The following GRID1 variants were observed in gnomAD, a reference collection of about 807,000 sequenced individuals.
GRID1 encodes glutamate receptor ionotropic, delta-1.
In GRID1, 28 loss-of-function variants were observed where a neutral mutation model predicts 98.0. The observed-to-expected ratio is 0.29, with a 90% confidence interval of 0.21 to 0.39. The LOEUF is 0.39. Ranked by LOEUF, GRID1 falls within the 10% of genes least tolerant of loss-of-function variation. The probability of loss-of-function intolerance (pLI) is 1.00; values close to 1 mark genes in which losing one functional copy is unlikely to be tolerated. For missense variants in GRID1, 1,111 were observed against 1,340.5 expected, an observed-to-expected ratio of 0.83 and a Z score of 2.67; for synonymous variants, 553 against 538.5, an observed-to-expected ratio of 1.03 and a Z score of -0.37.
chr10:85,617,236 C>G (rs377240650), intron 14 of GRID1, among the ~76,000 whole-genome samples: 1 of 134,360 alleles, frequency 7.4e-6, no homozygotes, highest in East Asian at 2.7e-4. Flanking sequence ...CCCCCCCCCC[C>G]TTTTATTTTT....
At chr10:85,610,044 G>A (rs1046259686) in intron 15 of GRID1, among the ~76,000 whole-genome samples, 4 of 152,174 alleles carry the variant, frequency 2.6e-5, no homozygotes, top group Admixed American at 6.5e-5. Context: ...CGACATCCTA[G>A]AGCAAGCCAT....
chr10:86,351,243 G>A (rs1252801577), intron 2 of GRID1, among the ~76,000 whole-genome samples: 2 of 152,262 alleles, frequency 1.3e-5, no homozygotes, highest in African/African-American at 2.4e-5. Context: ...CTGTGGCTCC[G>A]TGAAACATGC....
chr10:86,237,559 G>A (rs1222792330), intron 2 of GRID1, among the ~76,000 whole-genome samples: 3 of 152,160 alleles, frequency 2.0e-5, no homozygotes, highest in Non-Finnish European at 4.4e-5. Context: ...AATTAGCTGG[G>A]CATGGTGGCA....
At chr10:85,810,591 A>T (rs1320344422) in intron 8 of GRID1, among the ~76,000 whole-genome samples, 1 of 152,156 alleles carries the variant, frequency 6.6e-6, no homozygotes, top group East Asian at 1.9e-4. Context: ...TTCCAGGCAG[A>T]CCTGGCCTTA....
chr10:85,601,578 C>A lies in GRID1; in HGVS notation c.*695G>T, dbSNP rs1842576512. On this transcript the variant is annotated 3_prime_UTR_variant, in exon 16 of 16. Coordinates refer to ENST00000327946, the MANE Select transcript of GRID1 (RefSeq NM_017551.3). ...AGTATCAAAGCCCTCAATTACCTCA[C>A]TATGGGTAATTGTCAGCTTCTCTCG... 1 of 152,260 alleles carries A rather than the reference C, an allele frequency of 6.6e-6. No individual in the cohort carries two copies. The highest frequency in any genetic ancestry group is 1.5e-5 in the Non-Finnish European group (1 of 68,076). 9.4% of individuals were successfully genotyped at this position (152,260 alleles called of 1,614,324 possible).
At chr10:86,043,231 G>T (rs948771740) in intron 4 of GRID1, among the ~76,000 whole-genome samples, 1 of 152,166 alleles carries the variant, frequency 6.6e-6, no homozygotes, top group South Asian at 2.1e-4. Flanking sequence ...ACCAGCCAGG[G>T]ACTTTCTCCC....
At chr10:85,741,410 C>T (rs979093074) in intron 8 of GRID1, among the ~76,000 whole-genome samples, 5 of 152,052 alleles carry the variant, frequency 3.3e-5, no homozygotes, top group African/African-American at 1.2e-4. Flanking sequence ...TACCACTAGG[C>T]CCCTGTTAGT....
intron 8 of GRID1, among the ~76,000 whole-genome samples, chr10:85,775,118 C>A (rs977963732): frequency 2.0e-5 from 3 of 152,068 alleles, no homozygotes; most frequent in Non-Finnish European, 2.9e-5. Context: ...AAATGTGGCA[C>A]ATATACACCA....
chr10:86,118,992 G>T (rs554843787), intron 4 of GRID1, among the ~76,000 whole-genome samples: 1 of 152,216 alleles, frequency 6.6e-6, no homozygotes, highest in South Asian at 2.1e-4. Context: ...TGGTATCCTG[G>T]ATAGGATCCT....
chr10:85,928,484 A>G (rs1841806216), intron 4 of GRID1, among the ~76,000 whole-genome samples: 1 of 152,204 alleles, frequency 6.6e-6, no homozygotes, highest in South Asian at 2.1e-4. Context: ...CTTGGCCTGC[A>G]GACACCAAGT....
intron 2 of GRID1, among the ~76,000 whole-genome samples, chr10:86,270,159 CA>C (rs1847163342): frequency 6.6e-6 from 1 of 152,188 alleles, no homozygotes; most frequent in African/African-American, 2.4e-5. Context: ...CTGATTAAAA[CA>C]ATGATAAACT....
At chr10:86,130,934 C>T (rs1239678244) in intron 4 of GRID1, among the ~76,000 whole-genome samples, 5 of 152,266 alleles carry the variant, frequency 3.3e-5, no homozygotes, top group South Asian at 2.1e-4. Flanking sequence ...TGCCCGTCTG[C>T]GTGCCCCCCA....
chr10:86,139,099 C>T (rs1377401263), intron 3 of GRID1, 75 bp from the exon 4 acceptor site: 1 of 989,322 alleles, frequency 1.0e-6, no homozygotes, highest in East Asian at 2.4e-5. Flanking sequence ...TGTCTAACTG[C>T]AACACGTTCC....
intron 4 of GRID1, among the ~76,000 whole-genome samples, chr10:86,073,157 A>G (rs1035093088): frequency 8.5e-5 from 13 of 152,260 alleles, no homozygotes; most frequent in African/African-American, 3.1e-4. Flanking sequence ...TATTGCAGTA[A>G]GTGAAATAAA....
intron 12 of GRID1, among the ~76,000 whole-genome samples, chr10:85,660,621 C>A (rs926891806): frequency 1.3e-5 from 2 of 151,912 alleles, no homozygotes; most frequent in Non-Finnish European, 2.9e-5. Context: ...ATGAGCAGAG[C>A]TGATCACGTA....
At chr10:86,037,092 T>C (rs1487868516) in intron 4 of GRID1, among the ~76,000 whole-genome samples, 2 of 152,206 alleles carry the variant, frequency 1.3e-5, no homozygotes, top group African/African-American at 4.8e-5. Context: ...GCCCTTTTGA[T>C]ACCACTTTCT....
intron 5 of GRID1, among the ~76,000 whole-genome samples, chr10:85,872,635 C>T (rs1843290081): frequency 6.6e-6 from 1 of 152,230 alleles, no homozygotes; most frequent in African/African-American, 2.4e-5. Context: ...CAAGGGCAGC[C>T]ACCACATCAA....
chr10:85,819,551 T>C (rs917532092), intron 8 of GRID1, among the ~76,000 whole-genome samples: 2 of 152,186 alleles, frequency 1.3e-5, no homozygotes, highest in African/African-American at 4.8e-5. Context: ...TCCCCTGATA[T>C]GATACAATGA....
chr10:86,292,865 A>C (rs1847535940), intron 2 of GRID1, among the ~76,000 whole-genome samples: 1 of 151,850 alleles, frequency 6.6e-6, no homozygotes, highest in African/African-American at 2.4e-5. Flanking sequence ...TGAGTGTGGC[A>C]GATGTGAGTG....
Sources: gnomAD v4.1 joint callset for allele counts (sites outside exome capture counted in the v4.1 genomes callset) on GRCh38, gnomAD v4.1.1 for gene constraint, MANE v1.5 for transcripts, NCBI Gene and HGNC (gene_info 2026-07-23, HGNC 2026-07-21) for gene names.